NKAIN2: variants seen among roughly 807,000 people sequenced by gnomAD.
NKAIN2 encodes sodium/potassium transporting ATPase interacting 2.
A neutral mutation model predicts 32.6 loss-of-function variants in NKAIN2; 14 were observed. The ratio of observed to expected loss-of-function variants is 0.43; its 90% CI spans 0.28 to 0.67. NKAIN2 has a LOEUF of 0.67. Ranked by LOEUF, NKAIN2 falls within the 30% of genes least tolerant of loss-of-function variation. NKAIN2 has a pLI of 0.17. For synonymous variants in NKAIN2, 80 were observed against 87.2 expected, an observed-to-expected ratio of 0.92 and a Z score of 0.46; for missense variants, 198 against 258.3, an observed-to-expected ratio of 0.77 and a Z score of 1.60.
chr6:124,246,422 T>A (rs979440110), intron 1 of NKAIN2, among the ~76,000 whole-genome samples: 4 of 152,094 alleles, frequency 2.6e-5, no homozygotes, highest in African/African-American at 7.2e-5. Context: ...ACACTGGGTC[T>A]CTAGACATTT....
intron 3 of NKAIN2, among the ~76,000 whole-genome samples, chr6:124,592,377 G>A (rs557411663): frequency 2.0e-5 from 3 of 152,156 alleles, no homozygotes; most frequent in East Asian, 1.9e-4. Flanking sequence ...ATTAATACAC[G>A]GCTTGTGTCA....
intron 4 of NKAIN2, among the ~76,000 whole-genome samples, chr6:124,764,418 A>T (rs1778416688): frequency 1.3e-5 from 2 of 152,120 alleles, no homozygotes; most frequent in Admixed American, 1.3e-4. Context: ...AGATATTTTG[A>T]TTACTGTAAT....
chr6:123,982,444 G>T (rs1385544285), intron 1 of NKAIN2, among the ~76,000 whole-genome samples: 1 of 152,100 alleles, frequency 6.6e-6, no homozygotes, highest in Non-Finnish European at 1.5e-5. Context: ...AGGAGGAATT[G>T]GTTATGATAT....
At chr6:124,255,147 A>G (rs1057065386) in intron 1 of NKAIN2, among the ~76,000 whole-genome samples, 1 of 152,198 alleles carries the variant, frequency 6.6e-6, no homozygotes, top group African/African-American at 2.4e-5. Context: ...TAATGCCCAT[A>G]ACAGTGCTTT....
chr6:124,236,296 G>A (rs1356661000), intron 1 of NKAIN2, among the ~76,000 whole-genome samples: 1 of 151,314 alleles, frequency 6.6e-6, no homozygotes, highest in Non-Finnish European at 1.5e-5. Flanking sequence ...ATCAAAAGGA[G>A]TGTACAATGA....
chr6:124,447,684 T>G (rs1775951890), intron 3 of NKAIN2, among the ~76,000 whole-genome samples: 1 of 152,176 alleles, frequency 6.6e-6, no homozygotes, highest in Non-Finnish European at 1.5e-5. Context: ...TCAAGCATTC[T>G]GCTATCCTGT....
chr6:124,640,842 T>C (rs2114353659), intron 3 of NKAIN2, among the ~76,000 whole-genome samples: 1 of 152,316 alleles, frequency 6.6e-6, no homozygotes, highest in South Asian at 2.1e-4. Flanking sequence ...ATTTTTTCTT[T>C]TCATTTCCAT....
At chr6:124,724,997 T>A (rs1226370261) in intron 4 of NKAIN2, among the ~76,000 whole-genome samples, 2 of 152,232 alleles carry the variant, frequency 1.3e-5, no homozygotes, top group Non-Finnish European at 2.9e-5. Context: ...TGATTTCATG[T>A]GTATCCCTTT....
intron 1 of NKAIN2, among the ~76,000 whole-genome samples, chr6:124,139,854 A>G (rs1355787125): frequency 2.0e-5 from 3 of 152,214 alleles, no homozygotes; most frequent in Admixed American, 1.3e-4. Flanking sequence ...CTTTTCTTGG[A>G]AAATACAAGT....
chr6:124,285,684 T>C lies in NKAIN2; in HGVS notation c.192+2542T>C, dbSNP rs559769331. ...TGTGCAACAAACTACAGTTGACCCT[T>C]GAACAGTGTGAGGATTAAGGGCACC... On this transcript the variant is annotated intron_variant, in intron 2 of 6. Coordinates refer to ENST00000368417, the MANE Select transcript of NKAIN2 (RefSeq NM_001040214.3). Among the ~76,000 whole-genome samples the C allele has an allele frequency of 1.1e-4, 16 of 152,244 alleles. No individual in the cohort carries two copies. The South Asian group carries it at 3.3e-3, about 32-fold the overall frequency.
At chr6:124,489,067 G>A (rs1401052083) in intron 3 of NKAIN2, among the ~76,000 whole-genome samples, 1 of 151,890 alleles carries the variant, frequency 6.6e-6, no homozygotes, top group South Asian at 2.1e-4. Flanking sequence ...TGTATTCCAA[G>A]AAAGTACTAA....
intron 3 of NKAIN2, among the ~76,000 whole-genome samples, chr6:124,364,725 A>G (rs1583131968): frequency 6.6e-6 from 1 of 152,056 alleles, no homozygotes; most frequent in East Asian, 1.9e-4. Context: ...ACTGAAGGAA[A>G]TACTAAAGGT....
intron 4 of NKAIN2, among the ~76,000 whole-genome samples, chr6:124,780,290 GAATT>G (rs923129382): frequency 2.6e-4 from 39 of 152,240 alleles, no homozygotes; most frequent in African/African-American, 7.2e-4. Flanking sequence ...TCCAGTTTAA[GAATT>G]AATATGCAAA....
chr6:123,845,555 T>G (rs1775053095), intron 1 of NKAIN2, among the ~76,000 whole-genome samples: 1 of 152,212 alleles, frequency 6.6e-6, no homozygotes. Flanking sequence ...ACAACACAAA[T>G]TTGAACTCTG....
chr6:124,644,620 G>A (rs767526954), intron 3 of NKAIN2, among the ~76,000 whole-genome samples: 3 of 152,100 alleles, frequency 2.0e-5, no homozygotes, highest in Non-Finnish European at 4.4e-5. Flanking sequence ...TAGCCAGGAT[G>A]GTCTTGATCT....
At chr6:124,090,246 C>T (rs767205462) in intron 1 of NKAIN2, among the ~76,000 whole-genome samples, 1 of 151,892 alleles carries the variant, frequency 6.6e-6, no homozygotes, top group Non-Finnish European at 1.5e-5. Flanking sequence ...CTGTACATAA[C>T]CTATTTTAGA....
chr6:124,175,901 C>T (rs1157905793), intron 1 of NKAIN2, among the ~76,000 whole-genome samples: 20 of 152,122 alleles, frequency 1.3e-4, no homozygotes. Flanking sequence ...TATTTCATCA[C>T]ATGTGTAGAT....
At position 124,247,842 on chromosome 6, in the gene NKAIN2, C is replaced by T. The variant is rs187861413; in HGVS notation, c.55-35163C>T. ...ACTGAATTTTTTCACATCAGTTTTC[C>T]GCTGCTATCATTCAGATGTCCTTAA... On this transcript the variant is annotated intron_variant, in intron 1 of 6. Transcript: ENST00000368417. 2.2e-3 allele frequency among the ~76,000 whole-genome samples: 330 copies of T among 152,082 alleles called. 8 individuals are homozygous for T. The highest frequency in any genetic ancestry group is 0.018 in the Admixed American group (271 of 15,242).
At chr6:124,550,592 G>A (rs1433118625) in intron 3 of NKAIN2, among the ~76,000 whole-genome samples, 1 of 152,218 alleles carries the variant, frequency 6.6e-6, no homozygotes, top group Non-Finnish European at 1.5e-5. Context: ...CCAGCCACAG[G>A]GGTTGACTTT....
Sources: allele counts gnomAD v4.1 joint callset (sites outside exome capture counted in the v4.1 genomes callset), GRCh38; gene constraint gnomAD v4.1.1; transcripts MANE v1.5; gene names NCBI Gene and HGNC (gene_info 2026-07-23, HGNC 2026-07-21).